Variants in GRID2 observed in about 807,000 individuals in gnomAD.
GRID2 encodes the protein glutamate receptor ionotropic, delta-2.
GRID2 carries 33 observed loss-of-function variants against 114.8 expected under a neutral mutation model. The ratio of observed to expected loss-of-function variants is 0.29; its 90% CI spans 0.22 to 0.38. The LOEUF is 0.38. GRID2 is among the 10% of genes least tolerant of loss of function. The pLI, the probability that GRID2 is intolerant of heterozygous loss-of-function variation, is 1.00. For synonymous variants in GRID2, 505 were observed against 449.9 expected (o/e 1.12, Z -1.55); for missense variants, 1,184 against 1,257.7 (o/e 0.94, Z 0.89).
chr4:93,101,228 G>A (rs1247102343), intron 3 of GRID2, among the ~76,000 whole-genome samples: 1 of 152,030 alleles, frequency 6.6e-6, no homozygotes, highest in African/African-American at 2.4e-5. Flanking sequence ...AATCAGGGTA[G>A]TTGAGATATC....
At chr4:93,246,503 C>A (rs891888166) in intron 8 of GRID2, among the ~76,000 whole-genome samples, 1 of 150,604 alleles carries the variant, frequency 6.6e-6, no homozygotes, top group African/African-American at 2.5e-5. Flanking sequence ...AGGAGAATGG[C>A]GTGAACCTGG....
intron 2 of GRID2, among the ~76,000 whole-genome samples, chr4:92,806,166 GAC>G (rs56070810): frequency 0.12 from 15,441 of 132,974 alleles, 781 homozygotes; most frequent in East Asian, 0.15. Context: ...ATAGGCTATC[GAC>G]ACACACACAC....
At chr4:93,130,122 G>A (rs761207049) in intron 4 of GRID2, among the ~76,000 whole-genome samples, 8 of 152,048 alleles carry the variant, frequency 5.3e-5, no homozygotes, top group South Asian at 2.1e-4. Context: ...TTAGACAGGC[G>A]GGAGACCCAA....
At chr4:93,260,092 A>G (rs890306964) in intron 8 of GRID2, among the ~76,000 whole-genome samples, 1 of 151,724 alleles carries the variant, frequency 6.6e-6, no homozygotes, top group South Asian at 2.1e-4. Context: ...TTGTGATTTT[A>G]TTACATATAA....
At chr4:92,684,760 A>G (rs1733819095) in intron 2 of GRID2, among the ~76,000 whole-genome samples, 3 of 152,104 alleles carry the variant, frequency 2.0e-5, no homozygotes, top group Non-Finnish European at 4.4e-5. Flanking sequence ...GACGTATATA[A>G]TGAAGCCAAG....
intron 3 of GRID2, among the ~76,000 whole-genome samples, chr4:93,100,772 G>T (rs1277490439): frequency 6.6e-6 from 1 of 152,034 alleles, no homozygotes; most frequent in Admixed American, 6.6e-5. Context: ...AGAGGAGGAA[G>T]AAATGAGTAG....
At chr4:92,375,519 T>C (rs1248041030) in intron 1 of GRID2, among the ~76,000 whole-genome samples, 1 of 152,176 alleles carries the variant, frequency 6.6e-6, no homozygotes. Flanking sequence ...ATTAATGCCA[T>C]TCCATGCGTG....
At chr4:93,331,046 G>C (rs1252972132) in intron 8 of GRID2, among the ~76,000 whole-genome samples, 1 of 151,514 alleles carries the variant, frequency 6.6e-6, no homozygotes, top group African/African-American at 2.4e-5. Context: ...TGTCTTCTCT[G>C]TTCAAAACTC....
chr4:92,343,201 CTG>C (rs1175937457), intron 1 of GRID2, among the ~76,000 whole-genome samples: 1 of 151,392 alleles, frequency 6.6e-6, no homozygotes, highest in African/African-American at 2.4e-5. Flanking sequence ...ATTTTCTTCT[CTG>C]TGTGTTTTTT....
rs557409406 is a variant in GRID2, at chr4:93,215,225, C to CA, written c.790-1504dup. On this transcript the variant is annotated intron_variant, in intron 5 of 15. Coordinates refer to ENST00000282020, the MANE Select transcript of GRID2 (RefSeq NM_001510.4). ...TTGATAAATCTTAGTATTGCTAAAG[C>CA]AAAAAAAAATACCATATACATAAAA... 9.5e-3 allele frequency among the ~76,000 whole-genome samples: 1,407 copies of CA among 147,636 alleles called. 15 individuals carry two copies. The highest frequency in any genetic ancestry group is 0.019 in the Admixed American group (278 of 14,822).
chr4:93,257,724 C>T (rs1224778948), intron 8 of GRID2, among the ~76,000 whole-genome samples: 2 of 151,114 alleles, frequency 1.3e-5, no homozygotes, highest in Admixed American at 6.6e-5. Flanking sequence ...AATTATCTTT[C>T]TCATATAATA....
At chr4:93,406,977 A>G (rs898604703) in intron 9 of GRID2, among the ~76,000 whole-genome samples, 1 of 152,156 alleles carries the variant, frequency 6.6e-6, no homozygotes, top group African/African-American at 2.4e-5. Flanking sequence ...AGAGAAAAGC[A>G]ACCTTAAAGT....
intron 8 of GRID2, among the ~76,000 whole-genome samples, chr4:93,265,020 A>G (rs966431300): frequency 1.3e-5 from 2 of 151,690 alleles, no homozygotes; most frequent in Admixed American, 6.6e-5. Context: ...TGACCTCATG[A>G]TCTGCCCACC....
At chr4:92,818,697 A>G (rs2149385198) in intron 2 of GRID2, among the ~76,000 whole-genome samples, 1 of 152,246 alleles carries the variant, frequency 6.6e-6, no homozygotes, top group South Asian at 2.1e-4. Context: ...CACCCAGAGC[A>G]GCCCCTCTGG....
At chr4:92,519,920 C>A (rs770153855) in intron 1 of GRID2, among the ~76,000 whole-genome samples, 2 of 151,814 alleles carry the variant, frequency 1.3e-5, no homozygotes, top group African/African-American at 2.4e-5. Context: ...TATTGGGGGG[C>A]GGAATTTGCT....
intron 2 of GRID2, among the ~76,000 whole-genome samples, chr4:92,895,505 G>C (rs1578409065): frequency 1.3e-5 from 2 of 151,224 alleles, no homozygotes; most frequent in Middle Eastern, 6.8e-3. Context: ...GGCTCTATCT[G>C]ATGTAGGAAG....
intron 1 of GRID2, among the ~76,000 whole-genome samples, chr4:92,404,649 A>C (rs1157763347): frequency 6.6e-6 from 1 of 152,196 alleles, no homozygotes; most frequent in Non-Finnish European, 1.5e-5. Context: ...TCAATGATAG[A>C]TTGGATAAAG....
chr4:93,120,641 T>C (rs1484132584), intron 4 of GRID2, among the ~76,000 whole-genome samples: 3 of 152,052 alleles, frequency 2.0e-5, no homozygotes, highest in Admixed American at 6.6e-5. Flanking sequence ...AAATACCTAA[T>C]GCATGCAGAG....
intron 8 of GRID2, among the ~76,000 whole-genome samples, chr4:93,270,392 G>T (rs1751318653): frequency 6.6e-6 from 1 of 151,954 alleles, no homozygotes; most frequent in Non-Finnish European, 1.5e-5. Context: ...ATCAAAGGAG[G>T]ATATAGTAAC....
Sources: gnomAD v4.1 joint callset for allele counts (sites outside exome capture counted in the v4.1 genomes callset) on GRCh38, gnomAD v4.1.1 for gene constraint, MANE v1.5 for transcripts, NCBI Gene and HGNC (gene_info 2026-07-23, HGNC 2026-07-21) for gene names.